SCN8A: variants seen among roughly 807,000 people sequenced by gnomAD.
The protein encoded by SCN8A is sodium channel protein type 8 subunit alpha.
In SCN8A, 30 loss-of-function variants were observed where a neutral mutation model predicts 184.1. The ratio of observed to expected loss-of-function variants is 0.16; its 90% CI spans 0.12 to 0.22. The LOEUF (loss-of-function observed/expected upper bound fraction) is 0.22. SCN8A is among the 10% of genes least tolerant of loss of function. SCN8A has a pLI of 1.00. For synonymous variants in SCN8A, 852 were observed against 907.0 expected (o/e 0.94, Z 1.09); for missense variants, 1,057 against 2,498.9 (o/e 0.42, Z 12.30).
chr12:51,686,346 T>C (rs371753612), intron 3 of SCN8A, 22 bp from the exon 4 acceptor site: 69 of 1,495,638 alleles, frequency 4.6e-5, no homozygotes, highest in Non-Finnish European at 6.1e-5. Flanking sequence ...GATTTTAATA[T>C]TGCCCCTTGA....
At chr12:51,681,378 TC>T (rs1197440122) in intron 2 of SCN8A, among the ~76,000 whole-genome samples, 1 of 152,088 alleles carries the variant, frequency 6.6e-6, no homozygotes, top group Non-Finnish European at 1.5e-5. Context: ...GGATAATAAT[TC>T]CTCCTTCACC....
chr12:51,807,301 C>CCAT lies in SCN8A; in HGVS notation c.5817_5819dup (p.Ser1940dup). On this transcript the variant is annotated inframe_insertion, in exon 27 of 27. Transcript: ENST00000627620. This position sits in a 1 kb window ranked among gnomAD's most constrained non-coding sequence, Gnocchi z 4.5. Reference sequence around the variant, plus strand: ...ACACCGGGAGAAAAAAGAGAGCACCCCATCTACAGCCTCCCTCCCGTCCTA... The same window carrying CCAT: ...ACACCGGGAGAAAAAAGAGAGCACCCCATCATCTACAGCCTCCCTCCCGTCCTA... The CCAT allele has an allele frequency of 6.2e-7, 1 of 1,613,894 alleles. No homozygotes were observed. The highest frequency in any genetic ancestry group is 8.5e-7 in the Non-Finnish European group (1 of 1,179,850).
chr12:51,755,698 C>G (rs1008627271), intron 14 of SCN8A, among the ~76,000 whole-genome samples: 4 of 152,086 alleles, frequency 2.6e-5, no homozygotes, highest in Non-Finnish European at 4.4e-5. Flanking sequence ...CATGCAGCCC[C>G]TCTTAGGACA....
chr12:51,780,977 C>A (rs1937900185), intron 21 of SCN8A, among the ~76,000 whole-genome samples: 1 of 152,104 alleles, frequency 6.6e-6, no homozygotes, highest in East Asian at 1.9e-4. Flanking sequence ...TGGCCCCACC[C>A]CCAACAACAT....
chr12:51,782,034 T>A lies in SCN8A; in HGVS notation c.3942+1263T>A, dbSNP rs567504797. 3.9e-5 allele frequency among the ~76,000 whole-genome samples: 6 copies of A among 152,308 alleles called. No individual in the cohort carries two copies. In the South Asian group the frequency reaches 1.0e-3, roughly 26 times the overall value. Reference sequence around the variant, plus strand: ...GAAAACTTAATTGGGACTTGGGAATTTTATTATGTTAATTTATCCAGACAA... The same window carrying A: ...GAAAACTTAATTGGGACTTGGGAATATTATTATGTTAATTTATCCAGACAA... On this transcript the variant is annotated intron_variant, in intron 21 of 26. Coordinates refer to ENST00000627620, the MANE Select transcript of SCN8A (RefSeq NM_001330260.2).
chr12:51,744,565 C>T (rs979237049), intron 12 of SCN8A, among the ~76,000 whole-genome samples: 25 of 151,790 alleles, frequency 1.6e-4, no homozygotes, highest in Non-Finnish European at 3.2e-4. Context: ...AACAAGACCC[C>T]AAGGTCACTG....
intron 20 of SCN8A, chr12:51,780,133 A>G (rs1937848790): frequency 2.4e-6 from 1 of 416,362 alleles, no homozygotes; most frequent in South Asian, 1.7e-5. Context: ...TGGAAAGCCA[A>G]TGGTGAATGA....
intron 26 of SCN8A, among the ~76,000 whole-genome samples, chr12:51,803,089 AGG>A (rs1938600570): frequency 6.6e-6 from 1 of 152,200 alleles, no homozygotes; most frequent in African/African-American, 2.4e-5. Flanking sequence ...CTGCAAGCTG[AGG>A]AGCAAGGAAG....
At chr12:51,728,731 C>CAAA (rs10560307) in intron 12 of SCN8A, among the ~76,000 whole-genome samples, 1 of 140,484 alleles carries the variant, frequency 7.1e-6, no homozygotes, top group African/African-American at 2.8e-5. Flanking sequence ...CCCTGTTTCC[C>CAAA]AAAAAAAAAA....
intron 1 of SCN8A, among the ~76,000 whole-genome samples, chr12:51,599,837 G>A (rs1387426194): frequency 1.3e-5 from 2 of 152,124 alleles, no homozygotes. Flanking sequence ...TGTGTTTAAC[G>A]TTTTTCTAAT....
chr12:51,591,265 C>G lies in SCN8A; in HGVS notation c.-149C>G, dbSNP rs1405181894. 1.3e-5 allele frequency: 2 copies of G among 152,632 alleles called. No individual in the cohort carries two copies. The highest frequency in any genetic ancestry group is 6.6e-5 in the Admixed American group (1 of 15,232). 9.5% of individuals were successfully genotyped at this position (152,632 alleles called of 1,614,324 possible). On this transcript the variant is annotated 5_prime_UTR_variant, in exon 1 of 27. Coordinates refer to ENST00000627620, the MANE Select transcript of SCN8A (RefSeq NM_001330260.2). ...GCTCCAAGATGGCGCCCACCGCAGT[C>G]CCGCCCGCCGCATCCTCGGCGCCTT...
intron 1 of SCN8A, among the ~76,000 whole-genome samples, chr12:51,624,239 G>C (rs1016057559): frequency 1.1e-4 from 16 of 152,262 alleles, no homozygotes; most frequent in African/African-American, 3.9e-4. Flanking sequence ...CAGTGTAAAA[G>C]TGTTCCTATT....
At chr12:51,656,303 A>G (rs1020682323) in intron 1 of SCN8A, among the ~76,000 whole-genome samples, 2 of 152,250 alleles carry the variant, frequency 1.3e-5, no homozygotes, top group African/African-American at 4.8e-5. Flanking sequence ...ATATGTAAAA[A>G]TCAGTTCATA....
At chr12:51,640,038 G>A (rs1940412429) in intron 1 of SCN8A, among the ~76,000 whole-genome samples, 1 of 146,672 alleles carries the variant, frequency 6.8e-6, no homozygotes, top group Admixed American at 6.8e-5. Context: ...TGGGTAGCTG[G>A]GACTATGGGT....
In SCN8A at chr12:51,689,116, A is replaced by G; in HGVS notation, c.706+20A>G. ...TTCCAGGTGAGAAAATTTGTACATA[A>G]GACTGACTTTGCCACATCTCCTCTT... On this transcript the variant is annotated intron_variant, in intron 6 of 26. Coordinates refer to ENST00000627620, the MANE Select transcript of SCN8A (RefSeq NM_001330260.2). 6.4e-7 allele frequency: 1 copy of G among 1,564,210 alleles called. No homozygotes were observed. The highest frequency in any genetic ancestry group is 8.7e-7 in the Non-Finnish European group (1 of 1,144,742).
At chr12:51,702,352 C>T (rs1941705792) in intron 8 of SCN8A, among the ~76,000 whole-genome samples, 1 of 149,474 alleles carries the variant, frequency 6.7e-6, no homozygotes, top group African/African-American at 2.5e-5. Context: ...AGAGGAACTT[C>T]TAGCCGTTTG....
chr12:51,709,451 A>C (rs935889165), intron 11 of SCN8A, among the ~76,000 whole-genome samples: 1 of 152,220 alleles, frequency 6.6e-6, no homozygotes, highest in Non-Finnish European at 1.5e-5. Context: ...TGAGAGGGCC[A>C]AGAGTTCAGT....
intron 1 of SCN8A, among the ~76,000 whole-genome samples, chr12:51,646,216 C>G (rs2138642607): frequency 6.6e-6 from 1 of 152,228 alleles, no homozygotes; most frequent in African/African-American, 2.4e-5. Flanking sequence ...AAACTGGAGG[C>G]AGTGAGACCA....
intron 11 of SCN8A, among the ~76,000 whole-genome samples, chr12:51,708,127 T>A (rs2138753502): frequency 6.6e-6 from 1 of 152,336 alleles, no homozygotes; most frequent in Middle Eastern, 3.4e-3. Flanking sequence ...TTTTCTCCTC[T>A]AAGCATCAGA....
Sources: gnomAD v4.1 joint callset for allele counts (sites outside exome capture counted in the v4.1 genomes callset) on GRCh38, gnomAD v4.1.1 for gene constraint, Gnocchi (gnomAD v3.1) non-coding constraint, MANE v1.5 for transcripts, NCBI Gene and HGNC (gene_info 2026-07-23, HGNC 2026-07-21) for gene names.